ZEB2: variants seen among roughly 807,000 people sequenced by gnomAD.
The protein encoded by ZEB2 is zinc finger E-box-binding homeobox 2.
A neutral mutation model predicts 99.9 loss-of-function variants in ZEB2; 6 were observed. That is an observed-to-expected ratio of 0.06 (90% CI 0.03 to 0.12). ZEB2 has a LOEUF of 0.12. Ranked by LOEUF, ZEB2 falls within the 10% of genes least tolerant of loss-of-function variation. ZEB2 has a pLI of 1.00. For missense variants in ZEB2, 969 were observed against 1,502.8 expected (o/e 0.64, Z 5.87); for synonymous variants, 517 against 542.5 (o/e 0.95, Z 0.65).
intron 2 of ZEB2, among the ~76,000 whole-genome samples, chr2:144,491,089 A>G (rs913695727): frequency 6.6e-6 from 1 of 152,256 alleles, no homozygotes; most frequent in Non-Finnish European, 1.5e-5. Context: ...GTTATGGTCT[A>G]TCATGCCAGT....
intron 2 of ZEB2, chr2:144,445,155 G>C (rs1703966152): frequency 6.6e-6 from 1 of 152,032 alleles, no homozygotes; most frequent in African/African-American, 2.4e-5. Context: ...ACAATGGCAA[G>C]ATGGAGAAGA....
At chr2:144,420,254 G>A (rs1703602014) in intron 4 of ZEB2, among the ~76,000 whole-genome samples, 1 of 152,034 alleles carries the variant, frequency 6.6e-6, no homozygotes, top group African/African-American at 2.4e-5. Context: ...CTATTTTTGA[G>A]ATAGGGTCTT....
chr2:144,517,482 G>T, intron 1 of ZEB2, 63 bp from the exon 2 acceptor site: 2 of 1,118,258 alleles, frequency 1.8e-6, no homozygotes, highest in Non-Finnish European at 2.6e-6. Context: ...CGCGCGGGCC[G>T]CCCAGGGGAG....
At chr2:144,454,110 C>T (rs1015006364) in intron 2 of ZEB2, among the ~76,000 whole-genome samples, 5 of 152,134 alleles carry the variant, frequency 3.3e-5, no homozygotes, top group African/African-American at 1.2e-4. Flanking sequence ...TTATGTTCAT[C>T]ACAAAATAAG....
chr2:144,437,957 C>A (rs988943467), intron 2 of ZEB2, among the ~76,000 whole-genome samples: 18 of 152,248 alleles, frequency 1.2e-4, no homozygotes, highest in Admixed American at 9.2e-4. Context: ...TTGTCTGTAA[C>A]TGTACATTTT....
intron 4 of ZEB2, among the ~76,000 whole-genome samples, chr2:144,414,948 A>ATG (rs34257771): frequency 0.45 from 66,722 of 147,836 alleles, 17,045 homozygotes; most frequent in East Asian, 0.59. Context: ...TTCAGAGTGT[A>ATG]TGTGTGTGTG....
At chr2:144,514,910 G>T (rs1705105671) in intron 2 of ZEB2, among the ~76,000 whole-genome samples, 1 of 152,216 alleles carries the variant, frequency 6.6e-6, no homozygotes. Flanking sequence ...GGAAATACTT[G>T]CAGTGTCCAT....
At chr2:144,406,650 G>A (rs189564990) in intron 4 of ZEB2, among the ~76,000 whole-genome samples, 3 of 152,310 alleles carry the variant, frequency 2.0e-5, no homozygotes, top group East Asian at 1.9e-4. Context: ...AGAGTAAGGC[G>A]GGAGCCAGGC....
chr2:144,394,447 G>A (rs1160618999), intron 9 of ZEB2: 2 of 152,146 alleles, frequency 1.3e-5, no homozygotes, highest in Non-Finnish European at 2.9e-5. Flanking sequence ...CAATCAGAGA[G>A]GGAAAGATGC....
chr2:144,466,614 C>G (rs1704275971), intron 2 of ZEB2, among the ~76,000 whole-genome samples: 1 of 152,136 alleles, frequency 6.6e-6, no homozygotes, highest in African/African-American at 2.4e-5. Flanking sequence ...GCAACTGCAG[C>G]CTGATAATCA....
rs1220461554 is a variant in ZEB2 at position 144,399,297 on chromosome 2, A to G, written c.1890T>C (p.Asp630=). ...IVPNKAGVFV[D]NKALLLSSVL... is the part of the protein sequence containing the mutation. ...CAGATGACAAGAGGAGGGCTTTATT[A>G]TCAACAAAAACTCCGGCTTTGTTGG... The change falls in exon 8 of 10, where the codon GAT becomes GAC. Residue 630 remains aspartate, a synonymous_variant. Coordinates refer to ENST00000627532, the MANE Select transcript of ZEB2 (RefSeq NM_014795.4). This position sits in a 1 kb window ranked among gnomAD's most constrained non-coding sequence, Gnocchi z 5.6. 1 of 1,614,106 alleles carries G rather than the reference A, an allele frequency of 6.2e-7. No individual in the cohort carries two copies. The highest frequency in any genetic ancestry group is 8.5e-7 in the Non-Finnish European group (1 of 1,180,016).
chr2:144,516,225 C>CG (rs1191504045), intron 2 of ZEB2: 4 of 147,192 alleles, frequency 2.7e-5, no homozygotes, highest in Admixed American at 6.7e-5. Flanking sequence ...CTCCCCCACC[C>CG]CCCCCCGGCA....
intron 6 of ZEB2, among the ~76,000 whole-genome samples, chr2:144,401,585 C>T (rs541207007): frequency 1.3e-5 from 2 of 152,168 alleles, no homozygotes; most frequent in South Asian, 2.1e-4. Context: ...CCTTTGGGGA[C>T]GAGGAAGTAT....
In ZEB2 at chr2:144,398,999, T is replaced by G; in HGVS notation, c.2188A>C (p.Arg730=). ...GAGTCCATAGGTTTTACAGGAGACCTGGGTAATAAAGAGTCTTTTGTGGGA... is the reference window on the plus strand; with the variant it reads ...GAGTCCATAGGTTTTACAGGAGACCGGGGTAATAAAGAGTCTTTTGTGGGA... ...NPPTKDSLLP[R]SPVKPMDSIT... Residue 730 remains arginine, a synonymous_variant, in exon 8 of 10, where the codon AGG becomes CGG. Coordinates refer to ENST00000627532, the MANE Select transcript of ZEB2 (RefSeq NM_014795.4). 1 of 1,614,138 alleles carries G rather than the reference T, an allele frequency of 6.2e-7. No individual in the cohort carries two copies. Among genetic ancestry groups the G allele is most frequent in the Non-Finnish European group, 8.5e-7 (1 of 1,179,988 alleles).
chr2:144,405,197 A>G, intron 4 of ZEB2, 173 bp from the exon 5 acceptor site: 1 of 707,608 alleles, frequency 1.4e-6, no homozygotes, highest in Non-Finnish European at 2.4e-6. Context: ...TATTCTTGCA[A>G]TATATGCAAG....
At chr2:144,400,671 T>C (rs1319829521) in intron 7 of ZEB2, among the ~76,000 whole-genome samples, 1 of 152,216 alleles carries the variant, frequency 6.6e-6, no homozygotes, top group East Asian at 1.9e-4. Flanking sequence ...CCAATCCAAC[T>C]AGTCCTTTGA....
At chr2:144,466,529 G>A (rs1560636163) in intron 2 of ZEB2, among the ~76,000 whole-genome samples, 1 of 152,128 alleles carries the variant, frequency 6.6e-6, no homozygotes, top group Non-Finnish European at 1.5e-5. Context: ...ATAAAAAAAT[G>A]TCAAACAATT....
intron 6 of ZEB2, among the ~76,000 whole-genome samples, chr2:144,403,186 A>G (rs2149878827): frequency 6.6e-6 from 1 of 152,324 alleles, no homozygotes; most frequent in Admixed American, 6.5e-5. Flanking sequence ...GAACACTGTG[A>G]ATCAATCCTA....
chr2:144,510,802 TAAG>T (rs749492652), intron 2 of ZEB2, among the ~76,000 whole-genome samples: 2 of 152,134 alleles, frequency 1.3e-5, no homozygotes, highest in African/African-American at 2.4e-5. Flanking sequence ...GAATTGTGAT[TAAG>T]AAGAAGAAGA....
Sources: gnomAD v4.1 joint callset for allele counts (sites outside exome capture counted in the v4.1 genomes callset) on GRCh38, gnomAD v4.1.1 for gene constraint, Gnocchi (gnomAD v3.1) non-coding constraint, MANE v1.5 for transcripts, NCBI Gene and HGNC (gene_info 2026-07-23, HGNC 2026-07-21) for gene names.